PDE11A: variants seen among roughly 807,000 people sequenced by gnomAD.
PDE11A encodes the protein phosphodiesterase 11A, also known as dual 3',5'-cyclic-AMP and -GMP phosphodiesterase 11A.
In PDE11A, 100 loss-of-function variants were observed where a neutral mutation model predicts 100.5. The observed-to-expected ratio is 1.00, with a 90% CI of 0.85 to 1.18. The LOEUF (loss-of-function observed/expected upper bound fraction) is 1.18, where lower values mean the gene tolerates loss of function less well. PDE11A is among the 50% of genes most tolerant of loss of function. The pLI, the probability that PDE11A is intolerant of heterozygous loss-of-function variation, is 0.00. For synonymous variants in PDE11A, 381 were observed against 420.8 expected, an observed-to-expected ratio of 0.91 and a Z score of 1.16; for missense variants, 1,141 against 1,152.6, an observed-to-expected ratio of 0.99 and a Z score of 0.15.
intron 12 of PDE11A, among the ~76,000 whole-genome samples, chr2:177,715,387 C>T (rs2081421812): frequency 6.6e-6 from 1 of 151,970 alleles, no homozygotes; most frequent in Non-Finnish European, 1.5e-5. Flanking sequence ...AACTTTTTTC[C>T]CCGTTCAATT....
intron 12 of PDE11A, among the ~76,000 whole-genome samples, chr2:177,722,900 A>G (rs1290587622): frequency 6.6e-6 from 1 of 152,180 alleles, no homozygotes; most frequent in Non-Finnish European, 1.5e-5. Context: ...ATGATGTTTG[A>G]TGATTACAAA....
intron 5 of PDE11A, among the ~76,000 whole-genome samples, chr2:177,846,067 G>A (rs2083597056): frequency 6.6e-6 from 1 of 151,456 alleles, no homozygotes; most frequent in East Asian, 1.9e-4. Flanking sequence ...GAGGGAGAGG[G>A]AGAGGCTGGA....
chr2:177,871,525 A>ATTATT (rs2084133618), intron 5 of PDE11A, among the ~76,000 whole-genome samples: 1 of 138,266 alleles, frequency 7.2e-6, no homozygotes, highest in African/African-American at 2.8e-5. Flanking sequence ...GTCAGTAGTA[A>ATTATT]ATTATTATTA....
intron 2 of PDE11A, among the ~76,000 whole-genome samples, chr2:177,959,646 A>G (rs1559024256): frequency 6.6e-6 from 1 of 152,188 alleles, no homozygotes; most frequent in East Asian, 1.9e-4. Flanking sequence ...TCAGGGTTGA[A>G]CAATTGGGGG....
chr2:177,945,710 C>A (rs867163830), intron 2 of PDE11A, among the ~76,000 whole-genome samples: 34 of 151,826 alleles, frequency 2.2e-4, no homozygotes, highest in Admixed American at 3.9e-4. Context: ...CGGCAGCCAC[C>A]CCGTCCGGGA....
intron 9 of PDE11A, among the ~76,000 whole-genome samples, chr2:177,795,888 G>C (rs1053805010): frequency 1.5e-5 from 2 of 134,850 alleles, no homozygotes; most frequent in African/African-American, 5.4e-5. Context: ...AGTCTCCCAT[G>C]TTGTCTCTGG....
At position 177,697,146 on chromosome 2, in the gene PDE11A, T is replaced by C. The variant is rs1417373674; in HGVS notation, c.2345+186A>G. ...AATCTTGTGACTGTAGTCCTGACTC[T>C]CTTGGCTTATACACACCACTTTAAT... On this transcript the variant is annotated intron_variant, in intron 15 of 19. Transcript: ENST00000286063. Among the ~76,000 whole-genome samples the C allele has an allele frequency of 3.9e-5, 6 of 152,318 alleles. No homozygotes were observed. The South Asian group carries it at 6.2e-4, about 16-fold the overall frequency.
Position 178,018,420 on chromosome 2 carries a change from T to C in PDE11A, c.913-3960A>G, listed in dbSNP as rs2086367038. 1.8e-4 allele frequency: 69 copies of C among 391,006 alleles called. 3 individuals carry two copies. The highest frequency in any genetic ancestry group is 1.3e-3 in the South Asian group (69 of 54,114). 24.2% of individuals were successfully genotyped at this position (391,006 alleles called of 1,614,324 possible). A position where few individuals can be genotyped will look rare whatever the true frequency, so the allele number is the denominator to read the frequency against. On this transcript the variant is annotated intron_variant, in intron 1 of 19. Coordinates refer to ENST00000286063, the MANE Select transcript of PDE11A (RefSeq NM_016953.4). The stretch of plus-strand genomic sequence containing the variant: ...CCGGGCTTTGTGATTTCAACTATCA[T>C]GATGGGGGCATCTGGAAAGCTGTTG...
At chr2:177,884,821 A>G (rs965409076) in intron 4 of PDE11A, among the ~76,000 whole-genome samples, 2 of 152,194 alleles carry the variant, frequency 1.3e-5, no homozygotes, top group African/African-American at 4.8e-5. Flanking sequence ...AAGGTGGTAG[A>G]AAGAGTGAGA....
At position 178,072,146 on chromosome 2, in the gene PDE11A, A is replaced by G. The variant is rs2087142125; in HGVS notation, c.292T>C (p.Leu98=). The change falls in exon 1 of 20, where the codon TTG becomes CTG. Residue 98 remains leucine, a synonymous_variant. Transcript: ENST00000286063. ...CTGCCACCGGCCCAGCTGGGACTCA[A>G]GGGAACCCCACCACAGTCCCCGCCA... The part of the protein sequence containing the change: ...PGGGDCGGVP[L]SPSWAGGSRG... 1 of 1,613,590 alleles carries G rather than the reference A, an allele frequency of 6.2e-7. No homozygotes were observed. Among genetic ancestry groups the G allele is most frequent in the Admixed American group, 1.7e-5 (1 of 59,994 alleles).
At chr2:177,946,934 C>T (rs2085445030) in intron 2 of PDE11A, among the ~76,000 whole-genome samples, 2 of 95,646 alleles carry the variant, frequency 2.1e-5, no homozygotes, top group Admixed American at 1.8e-4. Flanking sequence ...CCCCTCTGCC[C>T]GGCCAGCCGC....
intron 6 of PDE11A, among the ~76,000 whole-genome samples, chr2:177,834,840 T>A (rs1396211976): frequency 6.6e-6 from 1 of 152,102 alleles, no homozygotes. Flanking sequence ...AGCTTTTCTA[T>A]GCAAGAGTTT....
chr2:177,689,560 A>T (rs1489917462), intron 15 of PDE11A, among the ~76,000 whole-genome samples: 1 of 152,334 alleles, frequency 6.6e-6, no homozygotes, highest in African/African-American at 2.4e-5. Flanking sequence ...CTTTCTTTGC[A>T]TACAAACATT....
At chr2:178,102,428 GTTTTTTTTTTTT>G (rs769341186) in intron 2 of PDE11A, among the ~76,000 whole-genome samples, 24 of 55,368 alleles carry the variant, frequency 4.3e-4, no homozygotes, top group African/African-American at 1.7e-3. Context: ...CCTGGTCTAA[GTTTTTTTTTTTT>G]TTTTTTTTTT....
At chr2:178,095,449 C>T (rs2087476404) in intron 2 of PDE11A, among the ~76,000 whole-genome samples, 1 of 152,206 alleles carries the variant, frequency 6.6e-6, no homozygotes, top group Non-Finnish European at 1.5e-5. Context: ...GCAGCTCCAC[C>T]CCTGTGGCTT....
At chr2:177,893,387 C>T (rs1026572590) in intron 4 of PDE11A, among the ~76,000 whole-genome samples, 3 of 152,148 alleles carry the variant, frequency 2.0e-5, no homozygotes, top group African/African-American at 7.2e-5. Context: ...ATCCTCCTGC[C>T]TCAGCCTCCT....
intron 2 of PDE11A, among the ~76,000 whole-genome samples, chr2:177,995,086 G>A (rs1559035879): frequency 6.6e-6 from 1 of 152,086 alleles, no homozygotes; most frequent in Non-Finnish European, 1.5e-5. Flanking sequence ...CTTATAAGGA[G>A]GAAAAGTGGA....
At chr2:177,954,539 A>G (rs887910276) in intron 2 of PDE11A, among the ~76,000 whole-genome samples, 11 of 152,186 alleles carry the variant, frequency 7.2e-5, no homozygotes, top group Non-Finnish European at 2.9e-5. Flanking sequence ...CCTCCATTTG[A>G]CAAAATGAAG....
rs542156987 is a variant in PDE11A, at chr2:177,940,633, C to T, written c.1072-35446G>A. Among the ~76,000 whole-genome samples, 151 of 152,278 alleles carry T rather than the reference C, an allele frequency of 9.9e-4. 1 individual carries two copies. Among genetic ancestry groups the T allele is most frequent in the African/African-American group, 3.6e-3 (151 of 41,542 alleles). On this transcript the variant is annotated intron_variant, in intron 2 of 19. Transcript: ENST00000286063. Reference sequence around the variant, plus strand: ...GGTAATTTTTAAAATACAAGCAATTCACTTTGCAAATAATAGGAATCAAGA... The same window carrying T: ...GGTAATTTTTAAAATACAAGCAATTTACTTTGCAAATAATAGGAATCAAGA...
Sources: allele counts gnomAD v4.1 joint callset (sites outside exome capture counted in the v4.1 genomes callset), GRCh38; gene constraint gnomAD v4.1.1; transcripts MANE v1.5; gene names NCBI Gene and HGNC (gene_info 2026-07-23, HGNC 2026-07-21).